The following RPS12 variants were observed in gnomAD, a reference collection of about 807,000 sequenced individuals.
RPS12 encodes the protein small ribosomal subunit protein eS12.
RPS12 carries 1 observed loss-of-function variant against 17.2 expected under a neutral mutation model. The ratio of observed to expected loss-of-function variants is 0.06; its 90% CI spans 0.02 to 0.28. The LOEUF (loss-of-function observed/expected upper bound fraction) is 0.28. RPS12 is among the 10% of genes least tolerant of loss of function. The probability of loss-of-function intolerance (pLI) is 1.00; values close to 1 mark genes in which losing one functional copy is unlikely to be tolerated. For missense variants in RPS12, 146 were observed against 162.1 expected (o/e 0.90, Z 0.54); for synonymous variants, 67 against 54.0 (o/e 1.24, Z -1.06).
chr6:132,817,402 A>G (rs1782087763), intron 5 of RPS12, 78 bp from the exon 6 acceptor site: 1 of 928,790 alleles, frequency 1.1e-6, no homozygotes, highest in South Asian at 1.3e-5. Flanking sequence ...TTGAAGCTCC[A>G]CTATAATTGA....
At chr6:132,814,866 A>C (rs1052308800) in intron 2 of RPS12, 84 bp downstream of exon 2, 312 of 1,460,322 alleles carry the variant, frequency 2.1e-4, no homozygotes, top group Non-Finnish European at 1.7e-4. Flanking sequence ...GACTGGGTCA[A>C]ACGGGTCGCC....
intron 5 of RPS12, 104 bp downstream of exon 5, chr6:132,817,165 A>G (rs1349725505): frequency 2.4e-6 from 2 of 844,812 alleles, no homozygotes; most frequent in Admixed American, 1.8e-5. Context: ...AACTGATTCA[A>G]CAGGTTTAAA....
chr6:132,817,287 A>C (rs750697554), intron 5 of RPS12, 193 bp from the exon 6 acceptor site: 1 of 773,092 alleles, frequency 1.3e-6, no homozygotes, highest in East Asian at 2.4e-5. Flanking sequence ...GGCAATAGTA[A>C]AGCCATGTTA....
At chr6:132,816,834 G>GAACTGCCATGAGGA (rs753908951) in intron 4 of RPS12, 126 bp from the exon 5 acceptor site, 1 of 787,340 alleles carries the variant, frequency 1.3e-6, no homozygotes, top group Non-Finnish European at 2.3e-6. Context: ...TCCCTCTACT[G>GAACTGCCATGAGGA]AACTGCCATG....
chr6:132,815,609 G>A (rs1464746759), intron 3 of RPS12: 1 of 455,828 alleles, frequency 2.2e-6, no homozygotes, highest in African/African-American at 2.0e-5. Context: ...GTGTTTTTTA[G>A]GGTGGTGGCA....
intron 2 of RPS12, 31 bp downstream of exon 2, chr6:132,814,813 G>C: frequency 6.2e-7 from 1 of 1,600,032 alleles, no homozygotes; most frequent in South Asian, 1.1e-5. Context: ...TGGAGTTGGG[G>C]TCGGGGTGCG....
At chr6:132,817,238 C>CTT in intron 5 of RPS12, 177 bp downstream of exon 5, 1 of 772,910 alleles carries the variant, frequency 1.3e-6, no homozygotes, top group Admixed American at 1.7e-5. Flanking sequence ...AATGAATCTG[C>CTT]TTACCTGATT....
rs1781998519 is a variant in RPS12, at chr6:132,814,603, G to GT, written c.-48_-47insT. 2.3e-6 allele frequency: 2 copies of GT among 856,156 alleles called. No individual in the cohort carries two copies. The highest frequency in any genetic ancestry group is 3.3e-5 in the African/African-American group (2 of 59,730). 53.0% of individuals were successfully genotyped at this position (856,156 alleles called of 1,614,324 possible). Reference sequence around the variant, plus strand: ...TGCCGCCGCCGAGTCGCGCGGAGGCGGAGGCTTGGGGTAAGTTGAGCGAGG... The same window carrying GT: ...TGCCGCCGCCGAGTCGCGCGGAGGCGTGAGGCTTGGGGTAAGTTGAGCGAGG... On this transcript the variant is annotated 5_prime_UTR_variant, in exon 1 of 6. Transcript: ENST00000230050.
At chr6:132,816,679 TG>T (rs1463007367) in intron 4 of RPS12, 116 bp downstream of exon 4, 3 of 806,446 alleles carry the variant, frequency 3.7e-6, no homozygotes, top group Non-Finnish European at 6.5e-6. Flanking sequence ...TACGTGCACC[TG>T]ATACTGTCGG....
chr6:132,817,226 C>A (rs1174698773), intron 5 of RPS12, 165 bp downstream of exon 5: 1 of 768,208 alleles, frequency 1.3e-6, no homozygotes, highest in Admixed American at 1.8e-5. Flanking sequence ...TACAAGCCAG[C>A]CAATGAATCT....
chr6:132,815,395 C>G (rs573984817), intron 3 of RPS12: 3 of 572,470 alleles, frequency 5.2e-6, no homozygotes, highest in East Asian at 4.4e-5. Flanking sequence ...GGTTGTGGAG[C>G]TAGTCAGTCT....
intron 5 of RPS12, 54 bp downstream of exon 5, chr6:132,817,115 C>T: frequency 9.3e-7 from 1 of 1,075,066 alleles, no homozygotes; most frequent in Non-Finnish European, 1.4e-6. Context: ...TCATATAAAA[C>T]CTTGTATTGA....
At chr6:132,816,221 C>A (rs77143330) in intron 3 of RPS12, among the ~76,000 whole-genome samples, 3,792 of 152,150 alleles carry the variant, frequency 0.025, 137 homozygotes, top group African/African-American at 0.087. Flanking sequence ...AAATGACTTA[C>A]ACCAATTCAG....
chr6:132,815,424 A>G (rs759491469), intron 3 of RPS12: 16 of 524,712 alleles, frequency 3.0e-5, no homozygotes. Flanking sequence ...TCTGGCAGAT[A>G]GATGAGATGG....
In RPS12 at chr6:132,814,825, C is replaced by T. The variant is rs769227930; in HGVS notation, c.14+43C>T. 34 of 1,570,968 alleles carry T rather than the reference C, an allele frequency of 2.2e-5. 1 individual carries two copies. In the South Asian group the frequency reaches 2.6e-4, roughly 12 times the overall value. On this transcript the variant is annotated intron_variant, in intron 2 of 5. Coordinates refer to ENST00000230050, the MANE Select transcript of RPS12 (RefSeq NM_001016.4). Reference sequence around the variant, plus strand: ...GGTTGGAGTTGGGGTCGGGGTGCGGCTGAGGCGTGGGGCTAGAGCTGGCGG... The same window carrying T: ...GGTTGGAGTTGGGGTCGGGGTGCGGTTGAGGCGTGGGGCTAGAGCTGGCGG...
chr6:132,815,763 T>C (rs1016128349), intron 3 of RPS12: 10 of 456,526 alleles, frequency 2.2e-5, no homozygotes, highest in Non-Finnish European at 4.4e-5. Flanking sequence ...CTAGTATGAG[T>C]CTTCTGTATT....
At chr6:132,817,137 G>A in intron 5 of RPS12, 76 bp downstream of exon 5, 1 of 978,380 alleles carries the variant, frequency 1.0e-6, no homozygotes, top group South Asian at 1.3e-5. Flanking sequence ...ATAAGTTGAG[G>A]ATCTTATAAA....
At chr6:132,814,943 A>G (rs1782010179) in intron 2 of RPS12, 29 bp from the exon 3 acceptor site, 2 of 1,506,252 alleles carry the variant, frequency 1.3e-6, no homozygotes, top group Non-Finnish European at 1.8e-6. Context: ...GAGGATTTTA[A>G]CTGATGGTTC....
chr6:132,816,129 C>T (rs530125353), intron 3 of RPS12: 11 of 391,656 alleles, frequency 2.8e-5, no homozygotes, highest in African/African-American at 6.2e-5. Flanking sequence ...CCATCGTGCC[C>T]GGCCTTTCAC....
Sources: allele counts gnomAD v4.1 joint callset (sites outside exome capture counted in the v4.1 genomes callset), GRCh38; gene constraint gnomAD v4.1.1; transcripts MANE v1.5; gene names NCBI Gene and HGNC (gene_info 2026-07-23, HGNC 2026-07-21).